The following HS6ST2 variants were observed in gnomAD, a reference collection of about 807,000 sequenced individuals.
HS6ST2 encodes the protein heparan sulfate 6-O-sulfotransferase 2.
A neutral mutation model predicts 33.0 loss-of-function variants in HS6ST2; 17 were observed. That is an observed-to-expected ratio of 0.52 (90% CI 0.35 to 0.77). The LOEUF is 0.77. Among genes scored for constraint, HS6ST2 ranks in the 30% least tolerant of loss-of-function variants. The pLI is 0.01. For synonymous variants in HS6ST2, 248 were observed against 237.1 expected (o/e 1.05, Z -0.42); for missense variants, 519 against 551.7 (o/e 0.94, Z 0.59).
chrX:132,698,609 A>G (rs188074064), intron 3 of HS6ST2, among the ~76,000 whole-genome samples: 26 of 111,942 alleles, frequency 2.3e-4, no homozygotes, highest in Non-Finnish European at 3.4e-4. Flanking sequence ...ACTTTTATCA[A>G]TCAATTTGAT....
rs190141946 is a variant in HS6ST2 at position 132,682,573 on chromosome X, C to T, written c.981-13374G>A. 3.6e-4 allele frequency among the ~76,000 whole-genome samples: 40 copies of T among 110,618 alleles called. No individual in the cohort carries two copies. The East Asian group carries it at 0.011, about 31-fold the overall frequency. ...AAAGAAATGGCTTTAAAAAGCTGTT[C>T]AGTGCTTCTCCTGGGATTCTTAGAA... is the stretch of plus-strand genomic sequence containing the variant. On this transcript the variant is annotated intron_variant, in intron 3 of 4. Transcript: ENST00000370833.
chrX:132,880,626 CT>C (rs755907518), intron 2 of HS6ST2, among the ~76,000 whole-genome samples: 64 of 100,390 alleles, frequency 6.4e-4, no homozygotes, highest in South Asian at 1.8e-3. Flanking sequence ...CTTTTTTTTT[CT>C]TTTTTTTTTT....
chrX:132,903,211 TTAAA>T (rs1416805026), intron 2 of HS6ST2, among the ~76,000 whole-genome samples: 1 of 111,466 alleles, frequency 9.0e-6, no homozygotes, highest in African/African-American at 3.3e-5. Context: ...TCGCTAGAAA[TTAAA>T]TACTTAGGAA....
At chrX:132,953,819 C>T (rs1018467765) in intron 2 of HS6ST2, among the ~76,000 whole-genome samples, 3 of 112,370 alleles carry the variant, frequency 2.7e-5, no homozygotes, top group Admixed American at 9.4e-5. Flanking sequence ...AAATGACTGA[C>T]GATGATAATG....
intron 2 of HS6ST2, among the ~76,000 whole-genome samples, chrX:132,781,361 GAGGGGAAGAC>G (rs755113170): frequency 6.2e-4 from 69 of 111,818 alleles, no homozygotes; most frequent in Admixed American, 1.7e-3. Context: ...AAGCTTCATA[GAGGGGAAGAC>G]AGTTGAGCTG....
intron 2 of HS6ST2, among the ~76,000 whole-genome samples, chrX:132,876,767 C>T (rs1178611124): frequency 9.0e-6 from 1 of 111,318 alleles, no homozygotes; most frequent in Non-Finnish European, 1.9e-5. Flanking sequence ...GATGTTAACC[C>T]TTGGTTTACC....
chrX:132,859,788 CAAAG>C (rs1389287419), intron 2 of HS6ST2, among the ~76,000 whole-genome samples: 1 of 71,650 alleles, frequency 1.4e-5, no homozygotes, highest in Non-Finnish European at 2.5e-5. Flanking sequence ...GAGAGAGAAA[CAAAG>C]GAAGGAAAGA....
chrX:132,752,951 G>A (rs770756854), intron 2 of HS6ST2, among the ~76,000 whole-genome samples: 1 of 112,540 alleles, frequency 8.9e-6, no homozygotes, highest in South Asian at 3.7e-4. Context: ...GGCTTCCAGA[G>A]CTCTATCTGA....
intron 2 of HS6ST2, among the ~76,000 whole-genome samples, chrX:132,861,746 A>G (rs757011922): frequency 9.0e-6 from 1 of 111,696 alleles, no homozygotes; most frequent in Admixed American, 9.5e-5. Flanking sequence ...TTTTCCATTA[A>G]CTTTCCCGGG....
intron 2 of HS6ST2, among the ~76,000 whole-genome samples, chrX:132,750,289 T>C: frequency 9.4e-6 from 1 of 106,805 alleles, no homozygotes; most frequent in Non-Finnish European, 1.9e-5. Context: ...GTTGACTGAC[T>C]TGAATTTTTG....
chrX:132,847,837 G>A (rs1159840768), intron 2 of HS6ST2, among the ~76,000 whole-genome samples: 1 of 112,249 alleles, frequency 8.9e-6, no homozygotes, highest in Admixed American at 9.4e-5. Flanking sequence ...ATAAAGCTCC[G>A]AAGGGCTGGC....
chrX:132,678,631 G>T (rs767306570), intron 3 of HS6ST2, among the ~76,000 whole-genome samples: 2 of 111,816 alleles, frequency 1.8e-5, no homozygotes, highest in South Asian at 3.8e-4. Context: ...TTCTAAGTAG[G>T]GTCTCCTTTG....
At chrX:132,711,339 A>C (rs1201563244) in intron 2 of HS6ST2, among the ~76,000 whole-genome samples, 1 of 111,122 alleles carries the variant, frequency 9.0e-6, no homozygotes, top group East Asian at 2.8e-4. Flanking sequence ...GAAACGATTC[A>C]CTTTTGTATG....
intron 2 of HS6ST2, among the ~76,000 whole-genome samples, chrX:132,877,260 C>A (rs1569499814): frequency 2.7e-5 from 3 of 111,700 alleles, no homozygotes; most frequent in East Asian, 2.8e-4. Flanking sequence ...CTCACAATAA[C>A]CCAATAAGAA....
intron 4 of HS6ST2, among the ~76,000 whole-genome samples, chrX:132,650,425 C>A (rs1200019926): frequency 9.0e-6 from 1 of 111,471 alleles, no homozygotes; most frequent in African/African-American, 3.3e-5. Flanking sequence ...GAGCTTGGAC[C>A]AATAACTTAG....
At chrX:132,808,760 G>A (rs1047315470) in intron 2 of HS6ST2, 3 of 111,807 alleles carry the variant, frequency 2.7e-5, no homozygotes, top group African/African-American at 9.7e-5. Context: ...CATATGTGTG[G>A]GACGCATGTG....
At chrX:132,821,178 T>C (rs1277683688) in intron 2 of HS6ST2, among the ~76,000 whole-genome samples, 3 of 107,408 alleles carry the variant, frequency 2.8e-5, no homozygotes, top group Admixed American at 2.0e-4. Context: ...CTCACTGTAA[T>C]GAAATCATAG....
intron 2 of HS6ST2, among the ~76,000 whole-genome samples, chrX:132,737,329 T>G (rs937469109): frequency 1.8e-5 from 2 of 111,869 alleles, no homozygotes; most frequent in Non-Finnish European, 3.8e-5. Flanking sequence ...TCCTAACATC[T>G]GCTAGACAAC....
At chrX:132,651,075 T>C (rs2063688868) in intron 4 of HS6ST2, among the ~76,000 whole-genome samples, 1 of 112,098 alleles carries the variant, frequency 8.9e-6, no homozygotes. Context: ...CTGGGATAAA[T>C]GCTTAATGGC....
Sources: allele counts gnomAD v4.1 joint callset (sites outside exome capture counted in the v4.1 genomes callset), GRCh38; gene constraint gnomAD v4.1.1; transcripts MANE v1.5; gene names NCBI Gene and HGNC (gene_info 2026-07-23, HGNC 2026-07-21).